The following NNT variants were observed in gnomAD, a reference collection of about 807,000 sequenced individuals.
NNT encodes nicotinamide nucleotide transhydrogenase, also known as NAD(P) transhydrogenase, mitochondrial.
A neutral mutation model predicts 104.8 loss-of-function variants in NNT; 50 were observed. The ratio of observed to expected loss-of-function variants is 0.48; its 90% CI spans 0.38 to 0.60. The LOEUF is 0.60. Ranked by LOEUF, NNT falls within the 20% of genes least tolerant of loss-of-function variation. The pLI is 0.00. For missense variants in NNT, 1,131 were observed against 1,330.7 expected (o/e 0.85, Z 2.33); for synonymous variants, 461 against 490.4 (o/e 0.94, Z 0.79).
At chr5:43,635,215 A>G (rs1280450237) in intron 7 of NNT, among the ~76,000 whole-genome samples, 1 of 152,186 alleles carries the variant, frequency 6.6e-6, no homozygotes, top group Non-Finnish European at 1.5e-5. Flanking sequence ...TGTTACAGAA[A>G]TTAACATCTT....
intron 21 of NNT, 49 bp downstream of exon 21, chr5:43,702,785 A>G (rs2303732): frequency 0.046 from 59,489 of 1,306,296 alleles, 2,015 homozygotes; most frequent in East Asian, 0.18. Context: ...GGTCACTTCA[A>G]ATATACACAC....
chr5:43,691,667 G>C (rs1369770990), intron 19 of NNT, among the ~76,000 whole-genome samples: 1 of 152,182 alleles, frequency 6.6e-6, no homozygotes. Context: ...GATTAATAAT[G>C]CAATGTGATA....
At chr5:43,660,103 T>C in intron 17 of NNT, among the ~76,000 whole-genome samples, 1 of 152,232 alleles carries the variant, frequency 6.6e-6, no homozygotes, top group Admixed American at 6.5e-5. Context: ...AATTTGCCCT[T>C]AATGCTATAC....
At chr5:43,644,894 CAT>C in intron 9 of NNT, 92 bp downstream of exon 9, 5 of 1,067,530 alleles carry the variant, frequency 4.7e-6, no homozygotes, top group Admixed American at 2.5e-5. Context: ...GGAATTGAGA[CAT>C]ATTTTAATAA....
intron 20 of NNT, 62 bp from the exon 21 acceptor site, chr5:43,702,559 T>C: frequency 9.7e-7 from 1 of 1,034,976 alleles, no homozygotes; most frequent in Middle Eastern, 2.2e-4. Flanking sequence ...ATAATTTGTC[T>C]GAAAATATGT....
rs777213757 is a variant in NNT, at chr5:43,609,274, C to T, written c.79C>T (p.Arg27Cys). Reference protein sequence around the residue: ...LSNLGSCKGLRVKKDFLRTFY... With the variant: ...LSNLGSCKGLCVKKDFLRTFY... ...CAATTTGGGGTCCTGTAAGGGTCTA[C>T]GTGTGAAGAAGGATTTTTTACGAAC... The change falls in exon 2 of 22, where the codon CGT becomes TGT. Residue 27 changes from arginine to cysteine, a missense_variant. Arg to Cys is a radical substitution (Grantham distance 180). Transcript: ENST00000344920. 38 of 1,613,704 alleles carry T rather than the reference C, an allele frequency of 2.4e-5. No homozygotes were observed. Among genetic ancestry groups the T allele is most frequent in the South Asian group, 9.9e-5 (9 of 91,068 alleles).
At position 43,704,669 on chromosome 5, in the gene NNT, G is replaced by T. The variant is rs1743025617; in HGVS notation, c.*265G>T. 2 of 342,358 alleles carry T rather than the reference G, an allele frequency of 5.8e-6. No homozygotes were observed. Among genetic ancestry groups the T allele is most frequent in the Admixed American group, 9.3e-5 (2 of 21,520 alleles). The allele number at this position is 342,358 out of a possible 1,614,324, so 21.2% of individuals were successfully genotyped here. Reference sequence around the variant, plus strand: ...CAAAAGTATTTTATAAAAGGAGAAAGAACAGCCTCATTTTAGATGTAGTCC... The same window carrying T: ...CAAAAGTATTTTATAAAAGGAGAAATAACAGCCTCATTTTAGATGTAGTCC... On this transcript the variant is annotated 3_prime_UTR_variant, in exon 22 of 22. Transcript: ENST00000344920.
chr5:43,634,782 C>G (rs1750850017), intron 7 of NNT, among the ~76,000 whole-genome samples: 1 of 152,110 alleles, frequency 6.6e-6, no homozygotes. Context: ...TGGAAGATGC[C>G]AAAACTGTGA....
intron 16 of NNT, among the ~76,000 whole-genome samples, chr5:43,657,323 T>C (rs1234452536): frequency 6.6e-6 from 1 of 152,238 alleles, no homozygotes; most frequent in Non-Finnish European, 1.5e-5. Flanking sequence ...ATGATAGGTT[T>C]GGCTTTCTTC....
rs369979240 is a variant in NNT, at chr5:43,633,090, T to C, written c.964+4703T>C. Among the ~76,000 whole-genome samples, 3 of 152,204 alleles carry C rather than the reference T, an allele frequency of 2.0e-5. No individual in the cohort carries two copies. In the East Asian group the frequency reaches 5.8e-4, roughly 29 times the overall value. ...TTCCCACCTCAGGTCTAGTCCTTAC[T>C]AATTTAGGGGAACCATAGCTATTCT... On this transcript the variant is annotated intron_variant, in intron 7 of 21. Transcript: ENST00000344920.
At chr5:43,694,114 T>C (rs1742431253) in intron 19 of NNT, among the ~76,000 whole-genome samples, 1 of 152,238 alleles carries the variant, frequency 6.6e-6, no homozygotes, top group South Asian at 2.1e-4. Flanking sequence ...GCTAGTGATT[T>C]TTACACATTG....
intron 20 of NNT, among the ~76,000 whole-genome samples, chr5:43,701,144 C>T (rs150472054): frequency 2.5e-4 from 38 of 151,950 alleles, no homozygotes; most frequent in African/African-American, 8.0e-4. Flanking sequence ...GGTACATGTG[C>T]GGTTTGTTAC....
intron 17 of NNT, among the ~76,000 whole-genome samples, chr5:43,673,483 G>A (rs1741242189): frequency 6.6e-6 from 1 of 152,148 alleles, no homozygotes; most frequent in Non-Finnish European, 1.5e-5. Context: ...ATATCTTAAT[G>A]TCTGAAATAG....
chr5:43,657,522 T>C (rs190985020), intron 16 of NNT, among the ~76,000 whole-genome samples: 1 of 152,298 alleles, frequency 6.6e-6, no homozygotes, highest in East Asian at 1.9e-4. Flanking sequence ...TTAAAAAAAT[T>C]ATCTACAGTA....
intron 17 of NNT, among the ~76,000 whole-genome samples, chr5:43,666,149 T>C (rs906553813): frequency 6.0e-5 from 9 of 149,546 alleles, no homozygotes; most frequent in Non-Finnish European, 8.9e-5. Flanking sequence ...TCCCAGACGA[T>C]GGGCGGCCAG....
intron 17 of NNT, among the ~76,000 whole-genome samples, chr5:43,671,116 T>C (rs901092492): frequency 3.9e-5 from 6 of 152,222 alleles, no homozygotes; most frequent in Admixed American, 2.0e-4. Flanking sequence ...CCCTGCTTTT[T>C]TTTGCTTTCC....
chr5:43,666,081 C>T (rs974397259), intron 17 of NNT, among the ~76,000 whole-genome samples: 31 of 149,962 alleles, frequency 2.1e-4, no homozygotes, highest in South Asian at 1.1e-3. Flanking sequence ...GGATGACGGC[C>T]GGGAAGAGGC....
At chr5:43,626,929 ATTGGT>A (rs1750400716) in intron 6 of NNT, among the ~76,000 whole-genome samples, 1 of 152,114 alleles carries the variant, frequency 6.6e-6, no homozygotes. Context: ...TCTTATTAAT[ATTGGT>A]AGACAATTCT....
intron 7 of NNT, among the ~76,000 whole-genome samples, chr5:43,640,968 G>C (rs922595827): frequency 3.3e-5 from 5 of 151,528 alleles, no homozygotes; most frequent in South Asian, 4.2e-4. Context: ...ATTCCCCAAG[G>C]CTTCCTTTTT....
Sources: allele counts gnomAD v4.1 joint callset (sites outside exome capture counted in the v4.1 genomes callset), GRCh38; gene constraint gnomAD v4.1.1; transcripts MANE v1.5; gene names NCBI Gene and HGNC (gene_info 2026-07-23, HGNC 2026-07-21).